The following TMEM130 variants were observed in gnomAD, a reference collection of about 807,000 sequenced individuals.
TMEM130 encodes the protein transmembrane protein 130.
In TMEM130, 37 loss-of-function variants were observed where a neutral mutation model predicts 42.9. That is an observed-to-expected ratio of 0.86 (90% CI 0.66 to 1.13). The LOEUF (loss-of-function observed/expected upper bound fraction) is 1.13, where lower values mean the gene tolerates loss of function less well. TMEM130 is among the 50% of genes most tolerant of loss of function. The pLI is 0.00. For synonymous variants in TMEM130, 259 were observed against 237.7 expected (o/e 1.09, Z -0.82); for missense variants, 545 against 562.6 (o/e 0.97, Z 0.32).
chr7:98,862,733 C>T (rs2116121328), intron 2 of TMEM130, among the ~76,000 whole-genome samples: 1 of 152,282 alleles, frequency 6.6e-6, no homozygotes, highest in African/African-American at 2.4e-5. Flanking sequence ...CTCCTGATCT[C>T]AGGCGATCCA....
chr7:98,869,710 C>G lies in TMEM130; in HGVS notation c.85+67G>C, dbSNP rs1469372962. On this transcript the variant is annotated intron_variant, in intron 1 of 7. Transcript: ENST00000339375. This position sits in a 1 kb window ranked among gnomAD's most constrained non-coding sequence, Gnocchi z 4.7. Reference sequence around the variant, plus strand: ...ATCCCTGCTCCCGGGCCCACTCGCCCGCTGAGACGGTTCCAGGCCCCGGGC... The same window carrying G: ...ATCCCTGCTCCCGGGCCCACTCGCCGGCTGAGACGGTTCCAGGCCCCGGGC... 6.5e-6 allele frequency: 8 copies of G among 1,224,122 alleles called. No individual in the cohort carries two copies. The highest frequency in any genetic ancestry group is 7.4e-6 in the Non-Finnish European group (7 of 943,338). 75.8% of individuals were successfully genotyped at this position (1,224,122 alleles called of 1,614,324 possible). A position where few individuals can be genotyped will look rare whatever the true frequency, so the allele number is the denominator to read the frequency against.
intron 5 of TMEM130, among the ~76,000 whole-genome samples, chr7:98,853,706 A>C (rs1173646658): frequency 6.6e-6 from 1 of 152,212 alleles, no homozygotes; most frequent in African/African-American, 2.4e-5. Flanking sequence ...GGCCCCAGGG[A>C]GGGGCATCCT....
rs782281764 is a variant in TMEM130, at chr7:98,863,319, T to TTGGCCACCAGGCTGGCCGAGATGG, written c.143_166dup (p.Thr48_Ala55dup). ...GGGCAGGGCCAGGCTGCCGTTGTCCTTGGCCACCAGGCTGGCCGAGATGGT... is the reference window on the plus strand; with the variant it reads ...GGGCAGGGCCAGGCTGCCGTTGTCCTTGGCCACCAGGCTGGCCGAGATGGTGGCCACCAGGCTGGCCGAGATGGT... On this transcript the variant is annotated inframe_insertion, in exon 2 of 8. Coordinates refer to ENST00000339375, the MANE Select transcript of TMEM130 (RefSeq NM_152913.3). The TTGGCCACCAGGCTGGCCGAGATGG allele has an allele frequency of 6.2e-7, 1 of 1,612,580 alleles. No individual in the cohort carries two copies. The highest frequency in any genetic ancestry group is 8.5e-7 in the Non-Finnish European group (1 of 1,179,956).
In TMEM130 at chr7:98,855,775, G is replaced by A. The variant is rs114963080; in HGVS notation, c.718+242C>T. Among the ~76,000 whole-genome samples the A allele has an allele frequency of 3.4e-3, 519 of 152,330 alleles. 3 individuals carry two copies. Among genetic ancestry groups the A allele is most frequent in the African/African-American group, 0.012 (499 of 41,568 alleles). ...AATTCACAGCAGACACCTGGTCACC[G>A]GCTCAGGCTCTGGGAGCAGGCAGCC... On this transcript the variant is annotated intron_variant, in intron 4 of 7. Coordinates refer to ENST00000339375, the MANE Select transcript of TMEM130 (RefSeq NM_152913.3).
intron 1 of TMEM130, 39 bp from the exon 2 acceptor site, chr7:98,863,439 G>A (rs1548622): frequency 0.91 from 1,387,356 of 1,518,336 alleles, 634,232 homozygotes; most frequent in South Asian, 0.93. Context: ...TCAGAATGGT[G>A]TGTGGCAAGG....
chr7:98,850,090 C>T (rs1794451661), intron 6 of TMEM130, among the ~76,000 whole-genome samples: 1 of 150,946 alleles, frequency 6.6e-6, no homozygotes, highest in African/African-American at 2.4e-5. Flanking sequence ...CACTCTGTCG[C>T]TCAGGCTGGA....
rs371780206 is a variant in TMEM130 at position 98,863,099 on chromosome 7, G to T, written c.387C>A (p.Ile129=). 24 of 1,611,602 alleles carry T rather than the reference G, an allele frequency of 1.5e-5. No individual in the cohort carries two copies. Among genetic ancestry groups the T allele is most frequent in the African/African-American group, 1.2e-4 (9 of 74,934 alleles). ...GCAAATGGGAGCGACCCTCACCTGT[G>T]ATGGGGAGGACCACAAAGCCCCTGG... ...PVARGFVVLP[I]TEFLVGDLVV... Residue 129 remains isoleucine, a synonymous_variant, in exon 2 of 8, where the codon ATC becomes ATA. Transcript: ENST00000339375.
chr7:98,848,725 C>A, intron 6 of TMEM130, 30 bp from the exon 7 acceptor site: 1 of 1,431,304 alleles, frequency 7.0e-7, no homozygotes, highest in Non-Finnish European at 9.9e-7. Context: ...CATTACAGGA[C>A]TGGGTAGCTG....
At chr7:98,855,397 G>C in intron 4 of TMEM130, 73 bp from the exon 5 acceptor site, 1 of 1,382,502 alleles carries the variant, frequency 7.2e-7, no homozygotes, top group Middle Eastern at 1.8e-4. Context: ...GCACAGGGTG[G>C]TGCGACTGCC....
In TMEM130 at chr7:98,848,220, T is replaced by A; in HGVS notation, c.1120-12A>T. On this transcript the variant is annotated splice_polypyrimidine_tract_variant and intron_variant, in intron 7 of 7. Transcript: ENST00000339375. ...GGTGGCTCCGGGTTCTTGTCAGACA[T>A]GGGGGAAAAGTCAAAATCAGCCACC... 1 of 1,613,732 alleles carries A rather than the reference T, an allele frequency of 6.2e-7. No homozygotes were observed. The highest frequency in any genetic ancestry group is 8.5e-7 in the Non-Finnish European group (1 of 1,179,904).
chr7:98,863,505 A>T lies in TMEM130; in HGVS notation c.86-105T>A, dbSNP rs1584244834. ...ACTATTCTATTTCCCAGGTGGAGAAACTGAGGCTCAGGCAGCTCAAGTGAC... is the reference window on the plus strand; with the variant it reads ...ACTATTCTATTTCCCAGGTGGAGAATCTGAGGCTCAGGCAGCTCAAGTGAC... On this transcript the variant is annotated intron_variant, in intron 1 of 7. Transcript: ENST00000339375. 3 of 1,204,144 alleles carry T rather than the reference A, an allele frequency of 2.5e-6. No individual in the cohort carries two copies. The East Asian group carries it at 7.7e-5, about 31-fold the overall frequency. 74.6% of individuals were successfully genotyped at this position (1,204,144 alleles called of 1,614,324 possible). A position where few individuals can be genotyped will look rare whatever the true frequency, so the allele number is the denominator to read the frequency against.
chr7:98,849,756 C>T (rs1794444987), intron 6 of TMEM130, among the ~76,000 whole-genome samples: 1 of 152,168 alleles, frequency 6.6e-6, no homozygotes, highest in East Asian at 1.9e-4. Context: ...AACCCTGGCT[C>T]AGGCTCAGGC....
chr7:98,869,683 C>T lies in TMEM130; in HGVS notation c.85+94G>A. ...CGCAGGGCGCACGGTGCCACCTCCG[C>T]AATCCCTGCTCCCGGGCCCACTCGC... On this transcript the variant is annotated intron_variant, in intron 1 of 7. Transcript: ENST00000339375. The surrounding 1 kb of genome is among the most constrained non-coding windows in gnomAD (Gnocchi z 4.7). The T allele has an allele frequency of 1.0e-6, 1 of 960,472 alleles. No homozygotes were observed. Among genetic ancestry groups the T allele is most frequent in the Non-Finnish European group, 1.4e-6 (1 of 717,674 alleles). 59.5% of individuals were successfully genotyped at this position (960,472 alleles called of 1,614,324 possible).
At chr7:98,856,225 G>T in intron 3 of TMEM130, 42 bp from the exon 4 acceptor site, 1 of 1,595,798 alleles carries the variant, frequency 6.3e-7, no homozygotes, top group Non-Finnish European at 8.6e-7. Context: ...GACAGCAGAC[G>T]GTTGCTTCCC....
Position 98,847,966 on chromosome 7 carries a change from A to G in TMEM130, c.*90T>C, listed in dbSNP as rs539377095. 43 of 1,308,394 alleles carry G rather than the reference A, an allele frequency of 3.3e-5. No individual in the cohort carries two copies. The African/African-American group carries it at 5.8e-4, about 18-fold the overall frequency. 81.0% of individuals were successfully genotyped at this position (1,308,394 alleles called of 1,614,324 possible). On this transcript the variant is annotated 3_prime_UTR_variant, in exon 8 of 8. Transcript: ENST00000339375. ...CAGGCCAACAGCCCCACGCAAATGAACCCCTCCTGGTCAGTGGTGCACACC... is the reference window on the plus strand; with the variant it reads ...CAGGCCAACAGCCCCACGCAAATGAGCCCCTCCTGGTCAGTGGTGCACACC...
chr7:98,866,924 T>G (rs972354599), intron 1 of TMEM130: 4 of 143,106 alleles, frequency 2.8e-5, no homozygotes, highest in Admixed American at 2.7e-4. Context: ...ACACCCATTC[T>G]CTACAAAAAA....
chr7:98,858,686 A>G (rs1338716406), intron 3 of TMEM130, among the ~76,000 whole-genome samples: 2 of 151,880 alleles, frequency 1.3e-5, no homozygotes, highest in Non-Finnish European at 2.9e-5. Context: ...TCCTGTCTCT[A>G]CAAAAATATT....
intron 6 of TMEM130, among the ~76,000 whole-genome samples, chr7:98,850,269 A>ATTTTTTTTTTT (rs1244635646): frequency 2.7e-4 from 8 of 30,158 alleles, no homozygotes; most frequent in African/African-American, 4.8e-4. Context: ...ATATATATAT[A>ATTTTTTTTTTT]TATATTTTTT....
intron 6 of TMEM130, among the ~76,000 whole-genome samples, chr7:98,850,273 A>ATATATTTTTTTTTTTTTTTTTTTTT: frequency 3.9e-4 from 14 of 35,466 alleles, no homozygotes; most frequent in African/African-American, 6.1e-4. Context: ...ATATATATAT[A>ATATATTTTTTTTTTTTTTTTTTTTT]TTTTTTTTTT....
Sources: gnomAD v4.1 joint callset for allele counts (sites outside exome capture counted in the v4.1 genomes callset) on GRCh38, gnomAD v4.1.1 for gene constraint, Gnocchi (gnomAD v3.1) non-coding constraint, MANE v1.5 for transcripts, NCBI Gene and HGNC (gene_info 2026-07-23, HGNC 2026-07-21) for gene names.